The following BRMS1L variants were observed in gnomAD, a reference collection of about 807,000 sequenced individuals.
BRMS1L encodes breast cancer metastasis-suppressor 1-like protein.
In BRMS1L, 23 loss-of-function variants were observed where a neutral mutation model predicts 50.3. The ratio of observed to expected loss-of-function variants is 0.46; its 90% CI spans 0.33 to 0.65. The LOEUF is 0.65. BRMS1L is among the 30% of genes least tolerant of loss of function. The pLI is 0.02. For synonymous variants in BRMS1L, 114 were observed against 126.9 expected, an observed-to-expected ratio of 0.90 and a Z score of 0.69; for missense variants, 286 against 386.1, an observed-to-expected ratio of 0.74 and a Z score of 2.17.
chr14:35,834,722 C>A, intron 3 of BRMS1L, 122 bp from the exon 4 acceptor site: 1 of 513,326 alleles, frequency 1.9e-6, no homozygotes, highest in Non-Finnish European at 3.1e-6. Flanking sequence ...CAAAGTTAGA[C>A]TCACTTTTCA....
At chr14:35,859,362 G>T (rs142482305) in intron 4 of BRMS1L, among the ~76,000 whole-genome samples, 3 of 152,130 alleles carry the variant, frequency 2.0e-5, no homozygotes, top group Non-Finnish European at 2.9e-5. Context: ...ACATCTTGAC[G>T]CTCACACTTA....
At chr14:35,839,814 C>T (rs1389299393) in intron 4 of BRMS1L, among the ~76,000 whole-genome samples, 1 of 152,186 alleles carries the variant, frequency 6.6e-6, no homozygotes, top group East Asian at 1.9e-4. Flanking sequence ...GTGTCATCTG[C>T]AAACAGACAA....
chr14:35,861,509 A>G (rs2078351237), intron 4 of BRMS1L, among the ~76,000 whole-genome samples: 1 of 152,200 alleles, frequency 6.6e-6, no homozygotes, highest in Non-Finnish European at 1.5e-5. Context: ...ACTTTACTAA[A>G]GGCAAGGGAA....
Position 35,841,455 on chromosome 14 carries a change from C to T in BRMS1L, c.441+6532C>T, listed in dbSNP as rs145097973. On this transcript the variant is annotated intron_variant, in intron 4 of 9. Coordinates refer to ENST00000216807, the MANE Select transcript of BRMS1L (RefSeq NM_032352.4). ...CTGGGACTACAGGTGCCTGCCACCA[C>T]GCCAGCTAATCTTTTGTATTTTTAG... is the stretch of plus-strand genomic sequence containing the variant. Among the ~76,000 whole-genome samples the T allele has an allele frequency of 1.3e-3, 200 of 152,094 alleles. 2 individuals carry two copies. The highest frequency in any genetic ancestry group is 0.013 in the East Asian group (65 of 5,180).
At chr14:35,830,050 G>A (rs55905084) in intron 1 of BRMS1L, 19,176 of 170,754 alleles carry the variant, frequency 0.11, 1,208 homozygotes, top group South Asian at 0.12. Flanking sequence ...AATAAGATTA[G>A]TTTTCCTTTT....
Position 35,862,637 on chromosome 14 carries a change from G to A in BRMS1L, c.489G>A (p.Glu163=). ...LYDTVQSELE[E]KIRRLEEDRH... is the part of the protein sequence containing the mutation. The stretch of plus-strand genomic sequence containing the variant: ...ATACAGTCCAGAGTGAACTAGAGGA[G>A]AAGATAAGAAGGCTTGAAGAGGATA... The change falls in exon 5 of 10, where the codon GAG becomes GAA. Residue 163 remains glutamate (E), a synonymous_variant. Transcript: ENST00000216807. The A allele has an allele frequency of 6.2e-7, 1 of 1,612,074 alleles. No homozygotes were observed.
chr14:35,832,787 A>G lies in BRMS1L; in HGVS notation c.234-191A>G, dbSNP rs2077940254. Among the ~76,000 whole-genome samples the G allele has an allele frequency of 2.0e-5, 3 of 152,152 alleles. No individual in the cohort carries two copies. In the South Asian group the frequency reaches 6.2e-4, roughly 32 times the overall value. On this transcript the variant is annotated intron_variant, in intron 2 of 9. Coordinates refer to ENST00000216807, the MANE Select transcript of BRMS1L (RefSeq NM_032352.4). ...TTGACCATTAAAGAGTGATAGATAG[A>G]TACCTGTTTTGTGATTATGTGCATA...
At chr14:35,831,673 G>C (rs554287557) in intron 2 of BRMS1L, among the ~76,000 whole-genome samples, 173 bp downstream of exon 2, 136 of 152,300 alleles carry the variant, frequency 8.9e-4, no homozygotes, top group African/African-American at 2.5e-3. Context: ...ACTAAACTGA[G>C]GGTTTGGAGG....
At chr14:35,828,144 A>G (rs1420497157) in intron 1 of BRMS1L, among the ~76,000 whole-genome samples, 1 of 152,166 alleles carries the variant, frequency 6.6e-6, no homozygotes, top group African/African-American at 2.4e-5. Flanking sequence ...AAGGTGAAAG[A>G]AAAGAGTATT....
At chr14:35,849,116 A>G (rs1257109199) in intron 4 of BRMS1L, among the ~76,000 whole-genome samples, 1 of 151,916 alleles carries the variant, frequency 6.6e-6, no homozygotes, top group Non-Finnish European at 1.5e-5. Context: ...TGGCCTCCCA[A>G]AGTGCTGGGA....
At position 35,863,910 on chromosome 14, in the gene BRMS1L, G is replaced by A. The variant is rs772466845; in HGVS notation, c.579G>A (p.Lys193=). The part of the protein sequence containing the change: ...NDELQSRKKR[K]DPFSPDKKKP... ...AGCTTCAGTCAAGAAAAAAGAGGAA[G>A]GATCCTTTCAGTCCTGACAAAAAGA... Residue 193 remains lysine (K), a synonymous_variant, in exon 6 of 10, where the codon AAG becomes AAA. Transcript: ENST00000216807. The A allele has an allele frequency of 2.5e-6, 4 of 1,613,956 alleles. No individual in the cohort carries two copies. In the South Asian group the frequency reaches 3.3e-5, roughly 13 times the overall value.
At chr14:35,854,380 AGTCT>A (rs1270884338) in intron 4 of BRMS1L, among the ~76,000 whole-genome samples, 1 of 152,214 alleles carries the variant, frequency 6.6e-6, no homozygotes, top group African/African-American at 2.4e-5. Flanking sequence ...TACTTTCCAC[AGTCT>A]GTGCTTAAGA....
chr14:35,860,591 A>C (rs546683506), intron 4 of BRMS1L, among the ~76,000 whole-genome samples: 5 of 152,264 alleles, frequency 3.3e-5, no homozygotes, highest in East Asian at 1.9e-4. Context: ...AAAAAAAAAA[A>C]AAAAAACTAT....
At chr14:35,838,812 C>G (rs2078025585) in intron 4 of BRMS1L, among the ~76,000 whole-genome samples, 1 of 152,090 alleles carries the variant, frequency 6.6e-6, no homozygotes, top group Admixed American at 6.6e-5. Flanking sequence ...TTCTCCCATT[C>G]TGTAGGTTGC....
Position 35,870,508 on chromosome 14 carries a change from T to A in BRMS1L, c.*31T>A. 7.3e-7 allele frequency: 1 copy of A among 1,368,248 alleles called. No individual in the cohort carries two copies. The highest frequency in any genetic ancestry group is 1.0e-6 in the Non-Finnish European group (1 of 971,366). The allele number at this position is 1,368,248 out of a possible 1,614,324, so 84.8% of individuals were successfully genotyped here. On this transcript the variant is annotated 3_prime_UTR_variant, in exon 10 of 10. Transcript: ENST00000216807. ...ATTTAAGTGTTATCTAAATTTACCT[T>A]ATTAGTGTTACCAAATGTAAGTGCC...
At chr14:35,850,931 A>G (rs1044513101) in intron 4 of BRMS1L, among the ~76,000 whole-genome samples, 1 of 152,124 alleles carries the variant, frequency 6.6e-6, no homozygotes, top group East Asian at 1.9e-4. Flanking sequence ...TTATTTTTCA[A>G]CTAATCCTAG....
intron 7 of BRMS1L, 107 bp downstream of exon 7, chr14:35,865,106 CTTTTGCA>C: frequency 5.1e-6 from 4 of 785,408 alleles, no homozygotes; most frequent in Non-Finnish European, 5.9e-6. Flanking sequence ...ATATGCTTTG[CTTTTGCA>C]ACATTTTTCT....
At position 35,870,346 on chromosome 14, in the gene BRMS1L, T is replaced by G. The variant is rs1372328122; in HGVS notation, c.855-14T>G. The G allele has an allele frequency of 7.0e-7, 1 of 1,434,954 alleles. No homozygotes were observed. The highest frequency in any genetic ancestry group is 2.0e-5 in the Admixed American group (1 of 50,870). The allele number at this position is 1,434,954 out of a possible 1,614,324, so 88.9% of individuals were successfully genotyped here. ...TTGTAATTCATTCATTCATTCTTTTTTTTTTCTTTTTAGTGCTGTAATTAC... is the reference window on the plus strand; with the variant it reads ...TTGTAATTCATTCATTCATTCTTTTGTTTTTCTTTTTAGTGCTGTAATTAC... On this transcript the variant is annotated splice_polypyrimidine_tract_variant and intron_variant, in intron 9 of 9. Coordinates refer to ENST00000216807, the MANE Select transcript of BRMS1L (RefSeq NM_032352.4).
At chr14:35,853,884 C>T (rs1198070137) in intron 4 of BRMS1L, among the ~76,000 whole-genome samples, 2 of 152,138 alleles carry the variant, frequency 1.3e-5, no homozygotes, top group Admixed American at 6.5e-5. Flanking sequence ...TGATTACCCC[C>T]ATACCTTCCA....
Sources: gnomAD v4.1 joint callset for allele counts (sites outside exome capture counted in the v4.1 genomes callset) on GRCh38, gnomAD v4.1.1 for gene constraint, MANE v1.5 for transcripts, NCBI Gene and HGNC (gene_info 2026-07-23, HGNC 2026-07-21) for gene names.